The following FRMD6 variants were observed in gnomAD, a reference collection of about 807,000 sequenced individuals.
The protein encoded by FRMD6 is FERM domain-containing protein 6.
FRMD6 carries 37 observed loss-of-function variants against 73.2 expected under a neutral mutation model. That is an observed-to-expected ratio of 0.51 (90% CI 0.39 to 0.66). The LOEUF is 0.66. Ranked by LOEUF, FRMD6 falls within the 30% of genes least tolerant of loss-of-function variation. The pLI, the probability that FRMD6 is intolerant of heterozygous loss-of-function variation, is 0.00. For missense variants in FRMD6, 714 were observed against 780.5 expected (o/e 0.91, Z 1.02); for synonymous variants, 273 against 282.2 (o/e 0.97, Z 0.33).
chr14:51,644,076 A>G (rs1270671978), intron 2 of FRMD6, among the ~76,000 whole-genome samples: 1 of 151,946 alleles, frequency 6.6e-6, no homozygotes, highest in Non-Finnish European at 1.5e-5. Flanking sequence ...AATTAGATCC[A>G]CTGATATCAA....
chr14:51,397,904 AAG>A, the FRMD6 span, among the ~76,000 whole-genome samples: 67 of 152,314 alleles, frequency 4.4e-4, no homozygotes, highest in African/African-American at 1.6e-3. Context: ...GATATATCTC[AAG>A]GTATATAGTC....
chr14:51,675,209 T>C (rs1026762865), intron 1 of FRMD6, among the ~76,000 whole-genome samples: 12 of 152,002 alleles, frequency 7.9e-5, no homozygotes, highest in African/African-American at 2.2e-4. Flanking sequence ...CGGCTTCTGA[T>C]TGAAGATTCC....
At chr14:51,633,621 A>AAAAAAAAAT (rs143710280) in intron 2 of FRMD6, among the ~76,000 whole-genome samples, 1 of 99,368 alleles carries the variant, frequency 1.0e-5, no homozygotes, top group Non-Finnish European at 1.9e-5. Context: ...AAAAAAAAAA[A>AAAAAAAAAT]GAAATAATTA....
At position 51,720,275 on chromosome 14, in the gene FRMD6, T is replaced by C; in HGVS notation, c.1245T>C (p.Ser415=). ...DTGPEDSYSS[S]AIHRKLKTCS... ...GGCCAGAAGACAGCTACTCCAGCAG[T>C]GCCATCCACCGCAAGCTGAAAACCT... The change falls in exon 11 of 14, where the codon AGT becomes AGC. Residue 415 remains serine, a synonymous_variant. Transcript: ENST00000344768. 1 of 1,613,954 alleles carries C rather than the reference T, an allele frequency of 6.2e-7. No homozygotes were observed. The highest frequency in any genetic ancestry group is 8.5e-7 in the Non-Finnish European group (1 of 1,179,946).
At chr14:51,410,164 G>C in the FRMD6 span, among the ~76,000 whole-genome samples, 1 of 152,188 alleles carries the variant, frequency 6.6e-6, no homozygotes, top group Non-Finnish European at 1.5e-5. Context: ...GGAGGAAAAA[G>C]TCTTCCCAAA....
chr14:51,434,754 G>GA, the FRMD6 span, among the ~76,000 whole-genome samples: 1 of 151,930 alleles, frequency 6.6e-6, no homozygotes, highest in Non-Finnish European at 1.5e-5. Flanking sequence ...ATTACAAAGG[G>GA]AAAAAAATGT....
intron 1 of FRMD6, among the ~76,000 whole-genome samples, chr14:51,559,362 A>G (rs1274801956): frequency 1.3e-5 from 2 of 152,176 alleles, no homozygotes; most frequent in East Asian, 1.9e-4. Context: ...TGGTCCTTAG[A>G]CCAGCTGCAT....
At chr14:51,687,015 A>G (rs932170216) in intron 1 of FRMD6, among the ~76,000 whole-genome samples, 10 of 152,234 alleles carry the variant, frequency 6.6e-5, no homozygotes, top group Admixed American at 2.0e-4. Flanking sequence ...AAAAGCAGCA[A>G]TGAAGCAGTG....
intron 1 of FRMD6, among the ~76,000 whole-genome samples, chr14:51,652,800 G>A (rs1464833583): frequency 6.6e-6 from 1 of 152,240 alleles, no homozygotes; most frequent in African/African-American, 2.4e-5. Context: ...GGTATGGACA[G>A]CTGCGGTCCA....
intron 1 of FRMD6, among the ~76,000 whole-genome samples, chr14:51,543,670 C>T (rs1014631713): frequency 1.3e-5 from 2 of 151,994 alleles, no homozygotes; most frequent in Admixed American, 6.6e-5. Context: ...GATTATACTA[C>T]ACAGGAGATT....
chr14:51,561,189 G>A (rs908169208), intron 1 of FRMD6, among the ~76,000 whole-genome samples: 1 of 152,106 alleles, frequency 6.6e-6, no homozygotes, highest in East Asian at 1.9e-4. Flanking sequence ...TGCCTTTCAA[G>A]GATGAATCAG....
At chr14:51,610,699 T>C (rs1298944484) in intron 2 of FRMD6, among the ~76,000 whole-genome samples, 2 of 152,188 alleles carry the variant, frequency 1.3e-5, no homozygotes, top group African/African-American at 4.8e-5. Flanking sequence ...GGTCCAATTT[T>C]GTGTAGAAAA....
chr14:51,573,286 G>A (rs1057263963), intron 2 of FRMD6, among the ~76,000 whole-genome samples: 12 of 152,096 alleles, frequency 7.9e-5, no homozygotes, highest in African/African-American at 2.9e-4. Context: ...AGGAAAGCAG[G>A]GGTTATAGGC....
At chr14:51,615,243 G>A (rs1248158101) in intron 2 of FRMD6, among the ~76,000 whole-genome samples, 1 of 152,174 alleles carries the variant, frequency 6.6e-6, no homozygotes, top group East Asian at 1.9e-4. Context: ...AGCATTGACT[G>A]TGTTAGGATA....
At chr14:51,470,220 T>G in the FRMD6 span, among the ~76,000 whole-genome samples, 6 of 152,324 alleles carry the variant, frequency 3.9e-5, no homozygotes, top group East Asian at 5.8e-4. Flanking sequence ...AAATCTTTTT[T>G]AAAAAATCAG....
intron 1 of FRMD6, among the ~76,000 whole-genome samples, chr14:51,533,538 G>A (rs1433502761): frequency 6.6e-6 from 1 of 152,124 alleles, no homozygotes; most frequent in Non-Finnish European, 1.5e-5. Context: ...TCCTGACCTA[G>A]TACTGAGTCT....
rs1481189223 is a variant in FRMD6 at position 51,606,022 on chromosome 14, G to T, written c.-147+35612G>T. On this transcript the variant is annotated intron_variant, in intron 2 of 14. Transcript: ENST00000356218. ...GATAATGCAGCCAGAAGTATGATGG[G>T]TTAGTTTCTGAGGCTAGAGAAAGTG... 3.4e-4 allele frequency among the ~76,000 whole-genome samples: 52 copies of T among 152,172 alleles called. 1 individual carries two copies. Among genetic ancestry groups the T allele is most frequent in the Admixed American group, 3.4e-3 (52 of 15,286 alleles).
chr14:51,424,423 A>G, the FRMD6 span, among the ~76,000 whole-genome samples: 6 of 152,344 alleles, frequency 3.9e-5, no homozygotes, highest in South Asian at 2.1e-4. Flanking sequence ...CTTTAAATTC[A>G]TATCGTTGAT....
chr14:51,616,450 G>A (rs1292783793), intron 2 of FRMD6, among the ~76,000 whole-genome samples: 2 of 152,198 alleles, frequency 1.3e-5, no homozygotes, highest in African/African-American at 2.4e-5. Context: ...GGAGGGGAAT[G>A]GACAAGGGAG....
Sources: allele counts gnomAD v4.1 joint callset (sites outside exome capture counted in the v4.1 genomes callset), GRCh38; gene constraint gnomAD v4.1.1; transcripts MANE v1.5; gene names NCBI Gene and HGNC (gene_info 2026-07-23, HGNC 2026-07-21).